Variants in GJC1 observed in about 807,000 individuals in gnomAD.
The protein encoded by GJC1 is gap junction gamma-1 protein.
In GJC1, 5 loss-of-function variants were observed where a neutral mutation model predicts 29.3. The observed-to-expected ratio is 0.17, with a 90% CI of 0.09 to 0.36. The LOEUF (loss-of-function observed/expected upper bound fraction) is 0.36. Among genes scored for constraint, GJC1 ranks in the 10% least tolerant of loss-of-function variants. GJC1 has a pLI of 1.00. For synonymous variants in GJC1, 177 were observed against 183.3 expected (o/e 0.97, Z 0.28); for missense variants, 310 against 496.2 (o/e 0.62, Z 3.56).
chr17:44,811,698 A>G (rs1385960583), intron 1 of GJC1, among the ~76,000 whole-genome samples: 1 of 152,030 alleles, frequency 6.6e-6, no homozygotes, highest in Admixed American at 6.6e-5. Context: ...CTTTCTCTTA[A>G]TATAATTCTG....
chr17:44,828,508 A>G (rs1240871774), intron 1 of GJC1, among the ~76,000 whole-genome samples: 1 of 152,194 alleles, frequency 6.6e-6, no homozygotes, highest in Non-Finnish European at 1.5e-5. Context: ...CCTTCCATAC[A>G]ACTTCTATGT....
rs1048559459 is a variant in GJC1, at chr17:44,804,899, C to T, written c.919G>A (p.Ala307Thr). 1 of 1,614,064 alleles carries T rather than the reference C, an allele frequency of 6.2e-7. No individual in the cohort carries two copies. The highest frequency in any genetic ancestry group is 1.3e-5 in the African/African-American group (1 of 74,920). ...DQIQYTELSN[A>T]KIAYKQNKAN... The stretch of plus-strand genomic sequence containing the variant: ...TTGTTTTGCTTGTAGGCGATCTTAG[C>T]ATTGGACAGTTCGGTGTACTGGATT... Residue 307 changes from alanine to threonine, a missense_variant, in exon 3 of 3, where the codon GCT becomes ACT. By Grantham distance (58) the Ala-to-Thr change is moderately conservative. Around this residue, in one of 4 missense-constraint regions of GJC1, gnomAD observed 146 missense variants for 165.0 expected, o/e 0.88. Coordinates refer to ENST00000592524, the MANE Select transcript of GJC1 (RefSeq NM_005497.4).
In GJC1 at chr17:44,799,912, A is replaced by C. The variant is rs910456735; in HGVS notation, c.*4715T>G. The C allele has an allele frequency of 3.3e-5, 5 of 152,226 alleles. No individual in the cohort carries two copies. Among genetic ancestry groups the C allele is most frequent in the African/African-American group, 1.2e-4 (5 of 41,452 alleles). 9.4% of individuals were successfully genotyped at this position (152,226 alleles called of 1,614,324 possible). ...CTAGCCTGGGCTCAAAACAAACCCC[A>C]AAAAACAAAACCAAACATCAATAGA... On this transcript the variant is annotated 3_prime_UTR_variant, in exon 3 of 3. Coordinates refer to ENST00000592524, the MANE Select transcript of GJC1 (RefSeq NM_005497.4).
Position 44,803,990 on chromosome 17 carries a change from A to G in GJC1, c.*637T>C, listed in dbSNP as rs754160132. Reference sequence around the variant, plus strand: ...AAAAATTGGCTACAACTCTGATCGCATGAATGAGATTCAAAGATTTCTCAC... The same window carrying G: ...AAAAATTGGCTACAACTCTGATCGCGTGAATGAGATTCAAAGATTTCTCAC... On this transcript the variant is annotated 3_prime_UTR_variant, in exon 3 of 3. Coordinates refer to ENST00000592524, the MANE Select transcript of GJC1 (RefSeq NM_005497.4). 1.3e-5 allele frequency: 2 copies of G among 152,234 alleles called. No individual in the cohort carries two copies. The highest frequency in any genetic ancestry group is 2.4e-5 in the African/African-American group (1 of 41,452). The allele number at this position is 152,234 out of a possible 1,614,324, so 9.4% of individuals were successfully genotyped here. A position where few individuals can be genotyped will look rare whatever the true frequency, so the allele number is the denominator to read the frequency against.
Position 44,805,935 on chromosome 17 carries a change from C to CTACTGCT in GJC1, c.-20-99_-20-98insAGCAGTA. On this transcript the variant is annotated intron_variant, in intron 2 of 2. Coordinates refer to ENST00000592524, the MANE Select transcript of GJC1 (RefSeq NM_005497.4). This position sits in a 1 kb window ranked among gnomAD's most constrained non-coding sequence, Gnocchi z 5.1. ...TCTCTAGGAACTACTGCTTTGAATA[C>CTACTGCT]TTGAAATCTAACCTCAAGGTTCACA... 1 of 636,448 alleles carries CTACTGCT rather than the reference C, an allele frequency of 1.6e-6. No homozygotes were observed. Among genetic ancestry groups the CTACTGCT allele is most frequent in the South Asian group, 2.1e-5 (1 of 46,808 alleles). The allele number at this position is 636,448 out of a possible 1,614,324, so 39.4% of individuals were successfully genotyped here.
chr17:44,814,410 G>A (rs1362183348), intron 1 of GJC1, among the ~76,000 whole-genome samples: 3 of 152,104 alleles, frequency 2.0e-5, no homozygotes, highest in Non-Finnish European at 2.9e-5. Flanking sequence ...AAAGTGCTGG[G>A]ATTACAGGCG....
chr17:44,795,316 C>T (rs1451122715), downstream of GJC1, among the ~76,000 whole-genome samples: 9 of 152,156 alleles, frequency 5.9e-5, no homozygotes, highest in African/African-American at 9.7e-5. Flanking sequence ...CAACCTCTGC[C>T]CTCCTGCCCC....
At chr17:44,828,951 C>T (rs77558624) in intron 1 of GJC1, among the ~76,000 whole-genome samples, 7,206 of 151,554 alleles carry the variant, frequency 0.048, 202 homozygotes, top group Middle Eastern at 0.18. Context: ...ATTAAAATCC[C>T]TTTCATTTAT....
In GJC1 at chr17:44,803,756, AG is replaced by A; in HGVS notation, c.*870del. 6.6e-6 allele frequency: 1 copy of A among 152,344 alleles called. No individual in the cohort carries two copies. Among genetic ancestry groups the A allele is most frequent in the Admixed American group, 6.5e-5 (1 of 15,286 alleles). 9.4% of individuals were successfully genotyped at this position (152,344 alleles called of 1,614,324 possible). ...AACTAAGCAGCCTATTAGGGATTCC[AG>A]GCATGGCTTTGCTTTCTGAGGGACA... On this transcript the variant is annotated 3_prime_UTR_variant, in exon 3 of 3. Transcript: ENST00000592524.
At chr17:44,798,144 C>T (rs1481790268), downstream of GJC1, among the ~76,000 whole-genome samples, 1 of 152,138 alleles carries the variant, frequency 6.6e-6, no homozygotes, top group Non-Finnish European at 1.5e-5. Flanking sequence ...CAGATTGCGA[C>T]GCCACGAATA....
At chr17:44,820,957 A>G (rs1359084757) in intron 1 of GJC1, among the ~76,000 whole-genome samples, 2 of 152,256 alleles carry the variant, frequency 1.3e-5, no homozygotes, top group Non-Finnish European at 2.9e-5. Context: ...TGTTTTCAAA[A>G]GAGCTCTTGG....
At chr17:44,825,561 G>A (rs544515396) in intron 1 of GJC1, among the ~76,000 whole-genome samples, 4 of 152,140 alleles carry the variant, frequency 2.6e-5, no homozygotes, top group Admixed American at 6.5e-5. Context: ...GGCAACCTGA[G>A]GTCAGGAGTT....
In GJC1 at chr17:44,803,619, G is replaced by A. The variant is rs1042618450; in HGVS notation, c.*1008C>T. On this transcript the variant is annotated 3_prime_UTR_variant, in exon 3 of 3. Coordinates refer to ENST00000592524, the MANE Select transcript of GJC1 (RefSeq NM_005497.4). ...CTTTGAGTATTCTTGGTTGACAAGGGAATGTTTGCATTTCTAATGTTAACA... is the reference window on the plus strand; with the variant it reads ...CTTTGAGTATTCTTGGTTGACAAGGAAATGTTTGCATTTCTAATGTTAACA... 2 of 152,164 alleles carry A rather than the reference G, an allele frequency of 1.3e-5. No homozygotes were observed. The highest frequency in any genetic ancestry group is 1.5e-5 in the Non-Finnish European group (1 of 68,036). 9.4% of individuals were successfully genotyped at this position (152,164 alleles called of 1,614,324 possible).
chr17:44,796,879 GCT>G, downstream of GJC1, among the ~76,000 whole-genome samples: 1 of 151,960 alleles, frequency 6.6e-6, no homozygotes, highest in South Asian at 2.1e-4. Context: ...TCTCGCTCTT[GCT>G]CTGTCATCCA....
At chr17:44,798,120 C>A (rs896882036), downstream of GJC1, among the ~76,000 whole-genome samples, 5 of 152,328 alleles carry the variant, frequency 3.3e-5, no homozygotes, top group African/African-American at 9.6e-5. Context: ...CCCCGCCAGG[C>A]TACCTATATT....
At chr17:44,809,091 AAAAC>A (rs143560892) in intron 1 of GJC1, among the ~76,000 whole-genome samples, 19,463 of 152,068 alleles carry the variant, frequency 0.13, 1,525 homozygotes, top group South Asian at 0.23. Flanking sequence ...AAAACAAAAC[AAAAC>A]AAACAAACAA....
intron 1 of GJC1, among the ~76,000 whole-genome samples, chr17:44,823,844 T>C (rs529759073): frequency 1.3e-5 from 2 of 151,726 alleles, no homozygotes; most frequent in Non-Finnish European, 2.9e-5. Context: ...CCTAAGTAGC[T>C]GGGACTACTG....
At chr17:44,818,509 A>T (rs1597754763) in intron 1 of GJC1, among the ~76,000 whole-genome samples, 1 of 13,498 alleles carries the variant, frequency 7.4e-5, no homozygotes, top group Non-Finnish European at 1.5e-4. Context: ...GTCTCATGTT[A>T]AAAAAAAAAA....
chr17:44,826,434 G>C (rs2050178107), intron 1 of GJC1, among the ~76,000 whole-genome samples: 1 of 151,986 alleles, frequency 6.6e-6, no homozygotes, highest in African/African-American at 2.4e-5. Context: ...GGAGGCTGAG[G>C]CAGGAGAATG....
Sources: gnomAD v4.1 joint callset for allele counts (sites outside exome capture counted in the v4.1 genomes callset) on GRCh38, gnomAD v4.1.1 for gene constraint, gnomAD v4.1.1 regional missense constraint, Gnocchi (gnomAD v3.1) non-coding constraint, MANE v1.5 for transcripts, NCBI Gene and HGNC (gene_info 2026-07-23, HGNC 2026-07-21) for gene names.